The following USP13 variants were observed in gnomAD, a reference collection of about 807,000 sequenced individuals.
The protein encoded by USP13 is ubiquitin specific peptidase 13.
Under a neutral mutation model 107.8 loss-of-function variants are expected in USP13, and 68 were observed. The ratio of observed to expected loss-of-function variants is 0.63; its 90% CI spans 0.52 to 0.77. The LOEUF (loss-of-function observed/expected upper bound fraction) is 0.77, where lower values mean the gene tolerates loss of function less well. Ranked by LOEUF, USP13 falls within the 30% of genes least tolerant of loss-of-function variation. The pLI, the probability that USP13 is intolerant of heterozygous loss-of-function variation, is 0.00. For missense variants in USP13, 945 were observed against 1,093.3 expected (o/e 0.86, Z 1.91); for synonymous variants, 377 against 389.5 (o/e 0.97, Z 0.38).
At chr3:179,699,716 C>G (rs893985024) in intron 3 of USP13, among the ~76,000 whole-genome samples, 1 of 96,264 alleles carries the variant, frequency 1.0e-5, no homozygotes, top group Non-Finnish European at 2.3e-5. Context: ...AAAAAAAAAG[C>G]TTAGATTGCA....
chr3:179,750,222 G>A (rs949834159), intron 13 of USP13, among the ~76,000 whole-genome samples: 13 of 150,446 alleles, frequency 8.6e-5, no homozygotes, highest in African/African-American at 2.4e-4. Context: ...CCGAGATCAC[G>A]CCATTGCACT....
chr3:179,764,942 AGAT>A (rs1304667948), intron 18 of USP13, among the ~76,000 whole-genome samples: 2 of 152,314 alleles, frequency 1.3e-5, no homozygotes, highest in Middle Eastern at 3.4e-3. Flanking sequence ...TCTCCCTTTA[AGAT>A]GATTAAAATA....
intron 1 of USP13, among the ~76,000 whole-genome samples, chr3:179,658,706 T>C (rs189431433): frequency 6.6e-6 from 1 of 152,322 alleles, no homozygotes; most frequent in Non-Finnish European, 1.5e-5. Context: ...CTCAGAATTG[T>C]CCACTTGAGA....
Position 179,653,511 on chromosome 3 carries a change from G to T in USP13, c.168+118G>T. The T allele has an allele frequency of 7.2e-7, 1 of 1,397,776 alleles. No homozygotes were observed. 86.6% of individuals were successfully genotyped at this position (1,397,776 alleles called of 1,614,324 possible). On this transcript the variant is annotated intron_variant, in intron 1 of 20. Coordinates refer to ENST00000263966, the MANE Select transcript of USP13 (RefSeq NM_003940.3). The surrounding 1 kb of genome is among the most constrained non-coding windows in gnomAD (Gnocchi z 4.0). ...TTCTCTTCCTCCGGGCGGCAGAGTT[G>T]GCTCAGGAACACTGCAGTTCGGCAG...
chr3:179,752,095 G>A (rs1714632654), intron 13 of USP13, among the ~76,000 whole-genome samples, 190 bp from the exon 14 acceptor site: 1 of 152,206 alleles, frequency 6.6e-6, no homozygotes, highest in Admixed American at 6.5e-5. Flanking sequence ...TTCTTGTGAA[G>A]AGGCCAGGAC....
intron 8 of USP13, among the ~76,000 whole-genome samples, chr3:179,728,631 T>G (rs1056596806): frequency 1.2e-4 from 18 of 152,102 alleles, no homozygotes; most frequent in African/African-American, 2.4e-4. Flanking sequence ...CAAGGCAGGC[T>G]GCTGAGAGGT....
intron 8 of USP13, among the ~76,000 whole-genome samples, chr3:179,727,504 T>G (rs866526758): frequency 8.8e-6 from 1 of 114,154 alleles, no homozygotes; most frequent in South Asian, 3.1e-4. Flanking sequence ...GATCAACAGG[T>G]TCCCAAGGCA....
intron 3 of USP13, among the ~76,000 whole-genome samples, chr3:179,698,823 T>C (rs1408314148): frequency 6.6e-6 from 1 of 152,062 alleles, no homozygotes; most frequent in African/African-American, 2.4e-5. Context: ...TGTTCCTACA[T>C]AGTCTAAATA....
At position 179,763,992 on chromosome 3, in the gene USP13, T is replaced by C. The variant is rs531080201; in HGVS notation, c.2093-10T>C. The C allele has an allele frequency of 1.9e-6, 3 of 1,592,986 alleles. No homozygotes were observed. The highest frequency in any genetic ancestry group is 1.7e-6 in the Non-Finnish European group (2 of 1,174,180). On this transcript the variant is annotated splice_polypyrimidine_tract_variant and intron_variant, in intron 17 of 20. Transcript: ENST00000263966. Reference sequence around the variant, plus strand: ...AAAGGAAAAGACTTGGGTGTGGTTATTTTTCTCAGATTTTGCTGAGCCGCT... The same window carrying C: ...AAAGGAAAAGACTTGGGTGTGGTTACTTTTCTCAGATTTTGCTGAGCCGCT...
At position 179,687,659 on chromosome 3, in the gene USP13, CAAAAAAA is replaced by C. The variant is rs71182509; in HGVS notation, c.295-2562_295-2556del. Among the ~76,000 whole-genome samples the C allele has an allele frequency of 4.6e-3, 86 of 18,526 alleles. 5 individuals are homozygous for C. Among genetic ancestry groups the C allele is most frequent in the South Asian group, 0.027 (8 of 296 alleles). 12.2% of individuals were successfully genotyped at this position (18,526 alleles called of 152,430 possible). On this transcript the variant is annotated intron_variant, in intron 2 of 20. Transcript: ENST00000263966. Reference sequence around the variant, plus strand: ...GGGCAACAAGAGTGAAACTCTGTCTCAAAAAAAAAAAAAAAAAAAAAAAAAAGGACTA... The same window carrying C: ...GGGCAACAAGAGTGAAACTCTGTCTCAAAAAAAAAAAAAAAAAAAGGACTA...
chr3:179,726,137 T>C (rs1341624867), intron 8 of USP13, among the ~76,000 whole-genome samples: 1 of 151,982 alleles, frequency 6.6e-6, no homozygotes, highest in Non-Finnish European at 1.5e-5. Flanking sequence ...TTGTTTTATC[T>C]GAGGGTCTCG....
At chr3:179,740,419 G>T in intron 11 of USP13, 47 bp downstream of exon 11, 1 of 1,612,128 alleles carries the variant, frequency 6.2e-7, no homozygotes. Flanking sequence ...GTAAGAGGGT[G>T]CCGAGCCACT....
intron 10 of USP13, among the ~76,000 whole-genome samples, chr3:179,738,197 C>T (rs1349048846): frequency 6.6e-6 from 1 of 152,162 alleles, no homozygotes; most frequent in African/African-American, 2.4e-5. Flanking sequence ...AGGTAGAAGG[C>T]ATTTTGTGCT....
chr3:179,721,349 CT>C lies in USP13; in HGVS notation c.901-50del. The C allele has an allele frequency of 1.3e-6, 2 of 1,575,534 alleles. No homozygotes were observed. The highest frequency in any genetic ancestry group is 1.7e-4 in the Middle Eastern group (1 of 5,888). ...TTAGAAATAATTAACGGGACATGAC[CT>C]TTGAATGGGAATCACATTTAAAGTT... is the stretch of plus-strand genomic sequence containing the variant. On this transcript the variant is annotated intron_variant, in intron 7 of 20. Coordinates refer to ENST00000263966, the MANE Select transcript of USP13 (RefSeq NM_003940.3). This position sits in a 1 kb window ranked among gnomAD's most constrained non-coding sequence, Gnocchi z 4.3.
At chr3:179,718,495 G>A (rs1466271945) in intron 6 of USP13, among the ~76,000 whole-genome samples, 2 of 152,062 alleles carry the variant, frequency 1.3e-5, no homozygotes, top group Non-Finnish European at 2.9e-5. Flanking sequence ...TGTTGTAGAG[G>A]GAAGAAGATT....
intron 1 of USP13, among the ~76,000 whole-genome samples, chr3:179,672,848 C>G (rs1720788626): frequency 6.6e-6 from 1 of 152,194 alleles, no homozygotes. Context: ...GGTCAAATTT[C>G]TGGTTAGTGC....
chr3:179,701,164 C>T (rs779350836), intron 4 of USP13, 35 bp downstream of exon 4: 1 of 1,326,336 alleles, frequency 7.5e-7, no homozygotes, highest in East Asian at 5.0e-5. Flanking sequence ...GCTAGATGCG[C>T]ATGGCTCTGT....
intron 10 of USP13, among the ~76,000 whole-genome samples, chr3:179,734,654 A>G (rs1357386170): frequency 1.5e-4 from 23 of 152,188 alleles, no homozygotes; most frequent in Non-Finnish European, 2.9e-4. Context: ...TTCACCTTTG[A>G]AATATGAGTA....
chr3:179,675,131 C>T (rs1000331717), intron 1 of USP13, among the ~76,000 whole-genome samples: 5 of 151,066 alleles, frequency 3.3e-5, no homozygotes, highest in African/African-American at 9.8e-5. Context: ...GCAGAGATCA[C>T]GCCACTGTAC....
Sources: gnomAD v4.1 joint callset for allele counts (sites outside exome capture counted in the v4.1 genomes callset) on GRCh38, gnomAD v4.1.1 for gene constraint, Gnocchi (gnomAD v3.1) non-coding constraint, MANE v1.5 for transcripts, NCBI Gene and HGNC (gene_info 2026-07-23, HGNC 2026-07-21) for gene names.